TNFRSF19: variants seen among roughly 807,000 people sequenced by gnomAD.
The protein encoded by TNFRSF19 is TNF receptor superfamily member 19.
In TNFRSF19, 27 loss-of-function variants were observed where a neutral mutation model predicts 46.4. The observed-to-expected ratio is 0.58, with a 90% CI of 0.43 to 0.80. TNFRSF19 has a LOEUF of 0.80. Ranked by LOEUF, TNFRSF19 falls within the 30% of genes least tolerant of loss-of-function variation. The probability of loss-of-function intolerance (pLI) is 0.00; values close to 1 mark genes in which losing one functional copy is unlikely to be tolerated. For missense variants in TNFRSF19, 511 were observed against 530.8 expected (o/e 0.96, Z 0.37); for synonymous variants, 204 against 205.0 (o/e 1.00, Z 0.04).
chr13:23,614,973 G>C (rs547424218), intron 3 of TNFRSF19, among the ~76,000 whole-genome samples: 37 of 152,098 alleles, frequency 2.4e-4, no homozygotes, highest in African/African-American at 8.7e-4. Flanking sequence ...TTGAGATAAT[G>C]GTGTAAAGTT....
At chr13:23,650,076 A>G (rs1883544815) in intron 5 of TNFRSF19, among the ~76,000 whole-genome samples, 1 of 152,220 alleles carries the variant, frequency 6.6e-6, no homozygotes, top group African/African-American at 2.4e-5. Flanking sequence ...TTCTCACTGC[A>G]GCTGTAAATC....
At chr13:23,652,608 G>A (rs1441632750) in intron 5 of TNFRSF19, among the ~76,000 whole-genome samples, 1 of 152,180 alleles carries the variant, frequency 6.6e-6, no homozygotes, top group Non-Finnish European at 1.5e-5. Context: ...GCTCTCTCAT[G>A]CATGGCCTGA....
At chr13:23,581,127 CTTTTCTTT>C (rs990425923) in intron 1 of TNFRSF19, among the ~76,000 whole-genome samples, 21 of 123,290 alleles carry the variant, frequency 1.7e-4, no homozygotes, top group Non-Finnish European at 2.3e-4. Context: ...TTCTTTTTTT[CTTTTCTTT>C]TTTTTTTTTT....
intron 1 of TNFRSF19, among the ~76,000 whole-genome samples, chr13:23,574,242 A>G (rs2138129271): frequency 6.6e-6 from 1 of 152,198 alleles, no homozygotes; most frequent in South Asian, 2.1e-4. Context: ...ATGACCTAAT[A>G]TTTATTAATT....
intron 4 of TNFRSF19, among the ~76,000 whole-genome samples, chr13:23,623,899 G>A (rs1402272982): frequency 2.0e-5 from 3 of 151,982 alleles, no homozygotes; most frequent in Admixed American, 6.6e-5. Flanking sequence ...CATATGATTT[G>A]CAGATATTTT....
intron 3 of TNFRSF19, among the ~76,000 whole-genome samples, chr13:23,615,164 T>A (rs1436035624): frequency 6.6e-6 from 1 of 152,240 alleles, no homozygotes; most frequent in African/African-American, 2.4e-5. Context: ...TGCTATAGTT[T>A]ACTGAGTTCT....
chr13:23,603,117 A>T (rs934468978), intron 3 of TNFRSF19, among the ~76,000 whole-genome samples: 5 of 152,090 alleles, frequency 3.3e-5, no homozygotes, highest in Admixed American at 3.3e-4. Flanking sequence ...CAACTTAGAA[A>T]ATAAGGGAGA....
intron 3 of TNFRSF19, among the ~76,000 whole-genome samples, chr13:23,610,894 C>T (rs986788055): frequency 3.3e-5 from 5 of 152,022 alleles, no homozygotes; most frequent in Admixed American, 3.3e-4. Context: ...CTCAAGGATT[C>T]GGGGAAGTAC....
At chr13:23,614,769 A>G (rs114169946) in intron 3 of TNFRSF19, among the ~76,000 whole-genome samples, 12,115 of 147,188 alleles carry the variant, frequency 0.082, 618 homozygotes, top group Middle Eastern at 0.13. Context: ...ATATATATAT[A>G]GTACCTGGCA....
chr13:23,603,958 C>T (rs1244377455), intron 3 of TNFRSF19, among the ~76,000 whole-genome samples: 1 of 151,928 alleles, frequency 6.6e-6, no homozygotes, highest in Admixed American at 6.6e-5. Context: ...TGTTCCCTTT[C>T]ACCACTCATT....
chr13:23,597,710 C>A (rs1879839210), intron 3 of TNFRSF19, among the ~76,000 whole-genome samples: 1 of 152,112 alleles, frequency 6.6e-6, no homozygotes, highest in African/African-American at 2.4e-5. Context: ...TTATTCCAAT[C>A]AATAGAAAAA....
intron 5 of TNFRSF19, among the ~76,000 whole-genome samples, chr13:23,627,768 C>T (rs1003721758): frequency 1.3e-5 from 2 of 152,210 alleles, no homozygotes. Context: ...TAAAAGTCCC[C>T]TCTGAACTAA....
At chr13:23,595,680 C>T (rs1879669486) in intron 3 of TNFRSF19, among the ~76,000 whole-genome samples, 1 of 152,150 alleles carries the variant, frequency 6.6e-6, no homozygotes. Context: ...AGTTGGAAAA[C>T]ACTCTTCAGG....
At chr13:23,592,300 T>C (rs1339454461) in intron 2 of TNFRSF19, among the ~76,000 whole-genome samples, 4 of 152,166 alleles carry the variant, frequency 2.6e-5, no homozygotes, top group Non-Finnish European at 1.5e-5. Flanking sequence ...TCAGTAGCAC[T>C]ATTCAGGGCA....
At chr13:23,665,087 G>A (rs1951601215) in intron 7 of TNFRSF19, among the ~76,000 whole-genome samples, 1 of 151,772 alleles carries the variant, frequency 6.6e-6, no homozygotes, top group South Asian at 2.1e-4. Flanking sequence ...CACTTTCTGT[G>A]GTGTGTGGAT....
At chr13:23,668,361 T>A (rs936731093) in intron 8 of TNFRSF19, among the ~76,000 whole-genome samples, 16 of 152,208 alleles carry the variant, frequency 1.1e-4, no homozygotes, top group African/African-American at 3.9e-4. Flanking sequence ...GTAATTAACA[T>A]GTAAGTAATT....
At chr13:23,642,019 A>G (rs935384751) in intron 5 of TNFRSF19, among the ~76,000 whole-genome samples, 4 of 152,186 alleles carry the variant, frequency 2.6e-5, no homozygotes, top group African/African-American at 7.2e-5. Context: ...ATCATACACT[A>G]TGTCAAAATT....
intron 1 of TNFRSF19, among the ~76,000 whole-genome samples, chr13:23,582,280 A>T (rs1878505230): frequency 6.6e-6 from 1 of 150,636 alleles, no homozygotes; most frequent in South Asian, 2.1e-4. Flanking sequence ...GGGCGCCTGT[A>T]GTCCCAGCTA....
At chr13:23,634,194 G>A (rs1335907109) in intron 5 of TNFRSF19, among the ~76,000 whole-genome samples, 1 of 152,232 alleles carries the variant, frequency 6.6e-6, no homozygotes, top group African/African-American at 2.4e-5. Context: ...GACTTTGTCT[G>A]TTATCAGTAA....
Sources: allele counts gnomAD v4.1 joint callset (sites outside exome capture counted in the v4.1 genomes callset), GRCh38; gene constraint gnomAD v4.1.1; transcripts MANE v1.5; gene names NCBI Gene and HGNC (gene_info 2026-07-23, HGNC 2026-07-21).